The following DNM1 variants were observed in gnomAD, a reference collection of about 807,000 sequenced individuals.
DNM1 encodes dynamin 1.
A neutral mutation model predicts 104.6 loss-of-function variants in DNM1; 29 were observed. The ratio of observed to expected loss-of-function variants is 0.28; its 90% CI spans 0.21 to 0.38. DNM1 has a LOEUF of 0.38. DNM1 is among the 10% of genes least tolerant of loss of function. The pLI is 1.00. For missense variants in DNM1, 640 were observed against 1,189.4 expected (o/e 0.54, Z 6.79); for synonymous variants, 445 against 475.8 (o/e 0.94, Z 0.84).
At position 128,224,855 on chromosome 9, in the gene DNM1, C is replaced by A. The variant is rs907854783; in HGVS notation, c.1335+466C>A. On this transcript the variant is annotated intron_variant, in intron 10 of 21. Transcript: ENST00000372923. The surrounding 1 kb of genome is among the most constrained non-coding windows in gnomAD (Gnocchi z 4.3). ...GCAGAGGACCCAGGACTAGCAGGTGCCCTGGCTCCCCGCTGTCCTTCATCC... is the reference window on the plus strand; with the variant it reads ...GCAGAGGACCCAGGACTAGCAGGTGACCTGGCTCCCCGCTGTCCTTCATCC... Among the ~76,000 whole-genome samples the A allele has an allele frequency of 1.3e-5, 2 of 152,162 alleles. No homozygotes were observed. Among genetic ancestry groups the A allele is most frequent in the African/African-American group, 4.8e-5 (2 of 41,420 alleles).
rs557232868 is a variant in DNM1 at position 128,228,311 on chromosome 9, G to A, written c.1335+3922G>A. Among the ~76,000 whole-genome samples, 94 of 152,206 alleles carry A rather than the reference G, an allele frequency of 6.2e-4. 1 individual carries two copies. Among genetic ancestry groups the A allele is most frequent in the African/African-American group, 2.2e-3 (91 of 41,538 alleles). On this transcript the variant is annotated intron_variant, in intron 10 of 21. Coordinates refer to ENST00000372923, the MANE Select transcript of DNM1 (RefSeq NM_004408.4). The stretch of plus-strand genomic sequence containing the variant: ...TCCCACCTCAGCCTCCCAAAGTGCT[G>A]GGATTACAGGCATGAGCCACCCCTC...
Position 128,224,689 on chromosome 9 carries a change from C to T in DNM1, c.1335+300C>T, listed in dbSNP as rs1835237746. Among the ~76,000 whole-genome samples, 1 of 152,046 alleles carries T rather than the reference C, an allele frequency of 6.6e-6. No individual in the cohort carries two copies. Among genetic ancestry groups the T allele is most frequent in the South Asian group, 2.1e-4 (1 of 4,814 alleles). On this transcript the variant is annotated intron_variant, in intron 10 of 21. Transcript: ENST00000372923. The surrounding 1 kb of genome is among the most constrained non-coding windows in gnomAD (Gnocchi z 4.3). ...GCTCAGAGAATAGGGCTTGAGGGGA[C>T]CCTGAGCCCCCTCCCTGTCCTCGGA...
rs991232074 is a variant in DNM1 at position 128,253,219 on chromosome 9, A to C, written c.2535-1435A>C. On this transcript the variant is annotated intron_variant, in intron 21 of 21. Coordinates refer to ENST00000372923, the MANE Select transcript of DNM1 (RefSeq NM_004408.4). This position sits in a 1 kb window ranked among gnomAD's most constrained non-coding sequence, Gnocchi z 5.9. Reference sequence around the variant, plus strand: ...GCTCCACACGGGGCGCGCACCTGGGACCTCAGAGCCAGGCTCCCCGCCCCT... The same window carrying C: ...GCTCCACACGGGGCGCGCACCTGGGCCCTCAGAGCCAGGCTCCCCGCCCCT... 1 of 1,367,088 alleles carries C rather than the reference A, an allele frequency of 7.3e-7. No individual in the cohort carries two copies. The highest frequency in any genetic ancestry group is 1.2e-5 in the South Asian group (1 of 84,848). 84.7% of individuals were successfully genotyped at this position (1,367,088 alleles called of 1,614,324 possible).
chr9:128,250,668 G>C, intron 20 of DNM1, 57 bp from the exon 21 acceptor site: 3 of 1,360,234 alleles, frequency 2.2e-6, no homozygotes, highest in Non-Finnish European at 2.9e-6. Flanking sequence ...GGGGCCTCTG[G>C]GTGGGCGGAG....
intron 11 of DNM1, among the ~76,000 whole-genome samples, chr9:128,238,704 G>A (rs1177688426): frequency 6.7e-6 from 1 of 148,166 alleles, no homozygotes; most frequent in Non-Finnish European, 1.5e-5. Context: ...CATCCAGGCT[G>A]GAGTGCAGTG....
intron 10 of DNM1, among the ~76,000 whole-genome samples, chr9:128,232,282 G>A (rs1835743250): frequency 6.6e-6 from 1 of 152,174 alleles, no homozygotes; most frequent in Non-Finnish European, 1.5e-5. Flanking sequence ...GCCCAGACTT[G>A]GAGACTGCAA....
Position 128,218,365 on chromosome 9 carries a change from A to G in DNM1, c.235+61A>G, listed in dbSNP as rs1046076835. 3.2e-6 allele frequency: 5 copies of G among 1,579,586 alleles called. No individual in the cohort carries two copies. Among genetic ancestry groups the G allele is most frequent in the South Asian group, 2.2e-5 (2 of 90,304 alleles). On this transcript the variant is annotated intron_variant, in intron 2 of 21. Coordinates refer to ENST00000372923, the MANE Select transcript of DNM1 (RefSeq NM_004408.4). This position sits in a 1 kb window ranked among gnomAD's most constrained non-coding sequence, Gnocchi z 4.8. ...CACTCCAGCCTCTCCCCCGTCCCCA[A>G]GCTGAGGGCCAGCCTGGCCACGAAC... is the stretch of plus-strand genomic sequence containing the variant.
intron 10 of DNM1, among the ~76,000 whole-genome samples, chr9:128,231,359 G>A (rs902654330): frequency 2.0e-5 from 3 of 151,792 alleles, no homozygotes; most frequent in South Asian, 2.1e-4. Flanking sequence ...GTGCCACCAC[G>A]CCCGGCTACT....
chr9:128,233,282 C>T (rs976668216), intron 10 of DNM1, among the ~76,000 whole-genome samples: 2 of 152,156 alleles, frequency 1.3e-5, no homozygotes, highest in Non-Finnish European at 2.9e-5. Context: ...ATGGTGGTGC[C>T]GGGCAGGGGC....
At chr9:128,236,085 C>T (rs147610935) in intron 11 of DNM1, among the ~76,000 whole-genome samples, 1 of 152,298 alleles carries the variant, frequency 6.6e-6, no homozygotes, top group East Asian at 1.9e-4. Context: ...TGTCTATTTG[C>T]TGTTTCTCTG....
chr9:128,219,025 C>G, intron 3 of DNM1, 24 bp from the exon 4 acceptor site: 1 of 1,612,194 alleles, frequency 6.2e-7, no homozygotes, highest in South Asian at 1.1e-5. Flanking sequence ...CGCCTTGAGC[C>G]CGCCCTCTCG....
In DNM1 at chr9:128,203,751, GCC is replaced by G; in HGVS notation, c.161+125_161+126del. 1 of 930,526 alleles carries G rather than the reference GCC, an allele frequency of 1.1e-6. No individual in the cohort carries two copies. Among genetic ancestry groups the G allele is most frequent in the Non-Finnish European group, 1.4e-6 (1 of 726,296 alleles). 57.6% of individuals were successfully genotyped at this position (930,526 alleles called of 1,614,324 possible). ...CCGACGCTGCACCCGCGGCCGGCGC[GCC>G]CCCCACCCCCAGCCGGAGCGAGGAG... is the stretch of plus-strand genomic sequence containing the variant. On this transcript the variant is annotated intron_variant, in intron 1 of 21. Coordinates refer to ENST00000372923, the MANE Select transcript of DNM1 (RefSeq NM_004408.4). The surrounding 1 kb of genome is among the most constrained non-coding windows in gnomAD (Gnocchi z 5.3).
intron 10 of DNM1, among the ~76,000 whole-genome samples, chr9:128,231,622 G>A (rs902708381): frequency 2.6e-5 from 4 of 152,088 alleles, no homozygotes; most frequent in African/African-American, 4.8e-5. Flanking sequence ...AGGTTATCAA[G>A]TCACTCCTGC....
In DNM1 at chr9:128,243,600, G is replaced by A. The variant is rs1252770278; in HGVS notation, c.1671+1255G>A. On this transcript the variant is annotated intron_variant, in intron 15 of 21. Transcript: ENST00000372923. The surrounding 1 kb of genome is among the most constrained non-coding windows in gnomAD (Gnocchi z 4.0). ...CATGGGGGCCCCTGGAAGGGATGGA[G>A]TGTGCAGTGGCATGGGGTGCGGGTG... Among the ~76,000 whole-genome samples the A allele has an allele frequency of 6.6e-6, 1 of 152,238 alleles. No homozygotes were observed. The highest frequency in any genetic ancestry group is 1.5e-5 in the Non-Finnish European group (1 of 68,038).
Position 128,224,066 on chromosome 9 carries a change from C to CA in DNM1, c.1197-183dup. 1.5e-6 allele frequency: 1 copy of CA among 686,302 alleles called. No individual in the cohort carries two copies. Among genetic ancestry groups the CA allele is most frequent in the African/African-American group, 1.8e-5 (1 of 54,654 alleles). 42.5% of individuals were successfully genotyped at this position (686,302 alleles called of 1,614,324 possible). Reference sequence around the variant, plus strand: ...TCCGTCTCAAAAAAAATAACAACAACAACAAAAAACCCTTCATTAGAACCC... The same window carrying CA: ...TCCGTCTCAAAAAAAATAACAACAACAAACAAAAAACCCTTCATTAGAACCC... On this transcript the variant is annotated intron_variant, in intron 9 of 21. Transcript: ENST00000372923. The surrounding 1 kb of genome is among the most constrained non-coding windows in gnomAD (Gnocchi z 4.3).
intron 12 of DNM1, 66 bp downstream of exon 12, chr9:128,239,581 T>C: frequency 9.4e-7 from 1 of 1,061,094 alleles, no homozygotes; most frequent in Non-Finnish European, 1.4e-6. Flanking sequence ...TGTGTGTGTG[T>C]GTGTGTGTGT....
chr9:128,244,694 C>T (rs1489549142), intron 15 of DNM1: 1 of 519,152 alleles, frequency 1.9e-6, no homozygotes, highest in Non-Finnish European at 4.0e-6. Flanking sequence ...AGGCAGGGGT[C>T]GGTCCAGCTC....
At chr9:128,211,929 A>G (rs1834327691) in intron 1 of DNM1, among the ~76,000 whole-genome samples, 1 of 152,158 alleles carries the variant, frequency 6.6e-6, no homozygotes, top group Admixed American at 6.5e-5. Context: ...GTATCTAGTC[A>G]TGACTGTGTT....
intron 21 of DNM1, chr9:128,251,301 G>A (rs1829503786): frequency 2.3e-6 from 1 of 425,984 alleles, no homozygotes; most frequent in Non-Finnish European, 4.6e-6. Context: ...CCTCCATTCC[G>A]TCCAATTCCT....
Sources: allele counts gnomAD v4.1 joint callset (sites outside exome capture counted in the v4.1 genomes callset), GRCh38; gene constraint gnomAD v4.1.1; non-coding constraint Gnocchi (gnomAD v3.1); transcripts MANE v1.5; gene names NCBI Gene and HGNC (gene_info 2026-07-23, HGNC 2026-07-21).